RNLS: variants seen among roughly 807,000 people sequenced by gnomAD.
RNLS encodes the protein renalase.
RNLS carries 39 observed loss-of-function variants against 39.8 expected under a neutral mutation model. The observed-to-expected ratio is 0.98, with a 90% CI of 0.76 to 1.28. RNLS has a LOEUF of 1.28. Ranked by LOEUF, RNLS falls within the 50% of genes most tolerant of loss-of-function variation. RNLS has a pLI of 0.00. For missense variants in RNLS, 410 were observed against 413.3 expected (o/e 0.99, Z 0.07); for synonymous variants, 147 against 150.7 (o/e 0.98, Z 0.18).
At chr10:88,279,636 T>A (rs1216396635), downstream of RNLS, among the ~76,000 whole-genome samples, 1 of 148,656 alleles carries the variant, frequency 6.7e-6, no homozygotes, top group Non-Finnish European at 1.5e-5. Flanking sequence ...AATAACTCAC[T>A]CCTAGTTTTC....
chr10:88,233,848 T>G, the RNLS span, among the ~76,000 whole-genome samples: 6,735 of 152,074 alleles, frequency 0.044, 217 homozygotes, highest in Admixed American at 0.093. Flanking sequence ...ATCTTGCTTT[T>G]TAAAGAAAAT....
chr10:88,455,867 A>G (rs1173596640), intron 4 of RNLS, among the ~76,000 whole-genome samples: 1 of 152,166 alleles, frequency 6.6e-6, no homozygotes, highest in Non-Finnish European at 1.5e-5. Flanking sequence ...CTTTATCCCA[A>G]TGCATGCCCA....
At chr10:88,283,024 C>T (rs896726236), downstream of RNLS, among the ~76,000 whole-genome samples, 20 of 152,134 alleles carry the variant, frequency 1.3e-4, no homozygotes, top group African/African-American at 4.6e-4. Flanking sequence ...TGTGTGGCCC[C>T]GTGGGGCTAA....
Position 88,572,926 on chromosome 10 carries a change from T to C in RNLS, c.503A>G (p.Gln168Arg). 2 of 1,613,912 alleles carry C rather than the reference T, an allele frequency of 1.2e-6. No individual in the cohort carries two copies. The highest frequency in any genetic ancestry group is 1.7e-6 in the Non-Finnish European group (2 of 1,179,886). ...ACAGGTGGTGATGTCACCTTGAAGC[T>C]GCAGAATCTCAGGAACTGGCATTGT... ...VLTMPVPEIL[Q>R]LQGDITTLIS... Residue 168 changes from glutamine to arginine, a missense_variant, in exon 4 of 7, where the codon CAG (glutamine) becomes CGG (arginine). Coordinates refer to ENST00000331772, the MANE Select transcript of RNLS (RefSeq NM_001031709.3).
At chr10:88,306,321 A>C (rs981250611) in intron 6 of RNLS, among the ~76,000 whole-genome samples, 2 of 152,192 alleles carry the variant, frequency 1.3e-5, no homozygotes, top group Non-Finnish European at 2.9e-5. Context: ...AGAAATACCC[A>C]AAATCAGTGC....
At chr10:88,426,613 T>C (rs917130813) in intron 4 of RNLS, among the ~76,000 whole-genome samples, 1 of 152,110 alleles carries the variant, frequency 6.6e-6, no homozygotes, top group Non-Finnish European at 1.5e-5. Context: ...ACAGATCACA[T>C]ACTACTTGCC....
chr10:88,240,441 A>T, the RNLS span, among the ~76,000 whole-genome samples: 1 of 151,756 alleles, frequency 6.6e-6, no homozygotes, highest in Non-Finnish European at 1.5e-5. Context: ...GGCTACTGGC[A>T]CTAAATTCTC....
chr10:88,468,230 G>T (rs943668646), intron 4 of RNLS, among the ~76,000 whole-genome samples: 1 of 152,120 alleles, frequency 6.6e-6, no homozygotes, highest in South Asian at 2.1e-4. Flanking sequence ...AAAATGCTCT[G>T]GGGTGGGCTC....
chr10:88,203,312 ACGTATG>A, the RNLS span, among the ~76,000 whole-genome samples: 3 of 7,150 alleles, frequency 4.2e-4, no homozygotes, highest in African/African-American at 9.1e-4. Context: ...ATATATATAT[ACGTATG>A]TATATATATA....
the RNLS span, among the ~76,000 whole-genome samples, chr10:88,210,960 T>C: frequency 6.6e-6 from 1 of 152,078 alleles, no homozygotes; most frequent in Non-Finnish European, 1.5e-5. Flanking sequence ...CTGGGTTGAG[T>C]CAAATCTTAA....
At chr10:88,556,414 G>A (rs1564897163) in intron 4 of RNLS, among the ~76,000 whole-genome samples, 1 of 152,112 alleles carries the variant, frequency 6.6e-6, no homozygotes, top group Non-Finnish European at 1.5e-5. Flanking sequence ...CAGTTCATCT[G>A]GTCATCTCAG....
the RNLS span, among the ~76,000 whole-genome samples, chr10:88,203,610 G>A: frequency 2.7e-5 from 4 of 149,626 alleles, no homozygotes; most frequent in Non-Finnish European, 5.9e-5. Context: ...GCTCCATTCT[G>A]GACCTACTGA....
At chr10:88,173,153 C>T in the RNLS span, among the ~76,000 whole-genome samples, 7 of 151,956 alleles carry the variant, frequency 4.6e-5, no homozygotes, top group East Asian at 1.9e-4. Flanking sequence ...CCACCGCGCC[C>T]GGCCGAGTGG....
the RNLS span, among the ~76,000 whole-genome samples, chr10:88,220,344 GC>G: frequency 2.0e-5 from 3 of 152,188 alleles, no homozygotes; most frequent in African/African-American, 7.2e-5. Context: ...GACTTCAGGT[GC>G]CATTAAGCCA....
intron 4 of RNLS, among the ~76,000 whole-genome samples, chr10:88,388,602 CT>C (rs888661726): frequency 2.0e-5 from 3 of 151,786 alleles, no homozygotes; most frequent in Non-Finnish European, 2.9e-5. Context: ...ATGGCTAGCT[CT>C]TTCTCCTATC....
At chr10:88,463,118 G>T (rs1040415219) in intron 4 of RNLS, among the ~76,000 whole-genome samples, 3 of 151,898 alleles carry the variant, frequency 2.0e-5, no homozygotes, top group African/African-American at 7.2e-5. Flanking sequence ...TTATGGGTTG[G>T]ATCTATATAT....
chr10:88,314,695 A>G (rs992476697), intron 5 of RNLS, 54 bp from the exon 6 acceptor site: 3 of 1,498,164 alleles, frequency 2.0e-6, no homozygotes, highest in Non-Finnish European at 2.7e-6. Context: ...GCAGGCAAGC[A>G]TCTCTCAGGA....
intron 5 of RNLS, among the ~76,000 whole-genome samples, chr10:88,337,261 T>G (rs1357806389): frequency 6.6e-6 from 1 of 152,188 alleles, no homozygotes; most frequent in Non-Finnish European, 1.5e-5. Context: ...AACTAACTAC[T>G]GACCTCCAGG....
At chr10:88,222,108 TG>T in the RNLS span, among the ~76,000 whole-genome samples, 3 of 152,314 alleles carry the variant, frequency 2.0e-5, no homozygotes, top group African/African-American at 7.2e-5. Flanking sequence ...TCCATTTCAC[TG>T]ACACATAGGC....
Sources: allele counts gnomAD v4.1 joint callset (sites outside exome capture counted in the v4.1 genomes callset), GRCh38; gene constraint gnomAD v4.1.1; transcripts MANE v1.5; gene names NCBI Gene and HGNC (gene_info 2026-07-23, HGNC 2026-07-21).